GLS: variants seen among roughly 807,000 people sequenced by gnomAD.
The protein encoded by GLS is glutaminase, also known as glutaminase kidney isoform, mitochondrial.
GLS carries 36 observed loss-of-function variants against 86.7 expected under a neutral mutation model. The observed-to-expected ratio is 0.42, with a 90% confidence interval of 0.32 to 0.55. The LOEUF (loss-of-function observed/expected upper bound fraction) is 0.55, where lower values mean the gene tolerates loss of function less well. Ranked by LOEUF, GLS falls within the 20% of genes least tolerant of loss-of-function variation. The pLI is 0.17. For synonymous variants in GLS, 317 were observed against 305.9 expected (o/e 1.04, Z -0.38); for missense variants, 528 against 833.4 (o/e 0.63, Z 4.51).
chr2:190,910,036 T>C (rs952100930), intron 6 of GLS, among the ~76,000 whole-genome samples: 3 of 151,828 alleles, frequency 2.0e-5, no homozygotes, highest in African/African-American at 4.8e-5. Context: ...AAACTTTGGC[T>C]CTTAAAAAAA....
At chr2:190,958,747 C>A (rs548324133) in intron 17 of GLS, among the ~76,000 whole-genome samples, 1 of 152,216 alleles carries the variant, frequency 6.6e-6, no homozygotes, top group South Asian at 2.1e-4. Flanking sequence ...GTTTGTTAAT[C>A]CTGAGTTCTA....
chr2:190,931,970 A>G (rs534074214), intron 14 of GLS, among the ~76,000 whole-genome samples: 2 of 152,148 alleles, frequency 1.3e-5, no homozygotes, highest in East Asian at 3.9e-4. Context: ...AAAAAGAACA[A>G]AACAAAACAT....
intron 5 of GLS, 143 bp downstream of exon 5, chr2:190,902,169 TTAATG>T: frequency 1.8e-6 from 1 of 542,064 alleles, no homozygotes; most frequent in Non-Finnish European, 3.3e-6. Context: ...AATTTAAATT[TTAATG>T]TAATTTTTAA....
Position 190,913,686 on chromosome 2 carries a change from TTAGGA to T in GLS, c.1038+3371_1038+3375del. On this transcript the variant is annotated intron_variant, in intron 7 of 17. Coordinates refer to ENST00000320717, the MANE Select transcript of GLS (RefSeq NM_014905.5). This position sits in a 1 kb window ranked among gnomAD's most constrained non-coding sequence, Gnocchi z 6.1. ...TTAAGATCTGGTGATAACTTAAGGGTTAGGATAGGAAAATGAGGACAACATACTGC... is the reference window on the plus strand; with the variant it reads ...TTAAGATCTGGTGATAACTTAAGGGTTAGGAAAATGAGGACAACATACTGC... The T allele has an allele frequency of 2.1e-6, 2 of 972,542 alleles. No homozygotes were observed. The highest frequency in any genetic ancestry group is 2.4e-6 in the Non-Finnish European group (2 of 818,336). 60.2% of individuals were successfully genotyped at this position (972,542 alleles called of 1,614,324 possible).
In GLS at chr2:190,881,429, T is replaced by C; in HGVS notation, c.345T>C (p.Phe115=). 1 of 1,545,758 alleles carries C rather than the reference T, an allele frequency of 6.5e-7. No individual in the cohort carries two copies. Among genetic ancestry groups the C allele is most frequent in the Non-Finnish European group, 8.7e-7 (1 of 1,145,270 alleles). ...PKDGPGETDA[F]GNSEGKELVA... is the part of the protein sequence containing the mutation. ...ACGGCCCCGGGGAGACGGACGCGTT[T>C]GGCAACAGCGAGGGCAAAGAGCTGG... is the stretch of plus-strand genomic sequence containing the variant. The change falls in exon 1 of 18, where the codon TTT becomes TTC. Residue 115 remains phenylalanine (F), a synonymous_variant. Coordinates refer to ENST00000320717, the MANE Select transcript of GLS (RefSeq NM_014905.5).
chr2:190,885,848 GT>G (rs970021325), intron 1 of GLS, among the ~76,000 whole-genome samples: 11 of 145,956 alleles, frequency 7.5e-5, no homozygotes, highest in African/African-American at 1.5e-4. Flanking sequence ...GTGAGTTTTA[GT>G]TTTTTTTTTT....
chr2:190,895,164 G>A lies in GLS; in HGVS notation c.399G>A (p.Gln133=), dbSNP rs1456415186. 8 of 1,478,440 alleles carry A rather than the reference G, an allele frequency of 5.4e-6. No individual in the cohort carries two copies. The highest frequency in any genetic ancestry group is 1.2e-5 in the South Asian group (1 of 85,228). The allele number at this position is 1,478,440 out of a possible 1,614,324, so 91.6% of individuals were successfully genotyped here. Residue 133 remains glutamine (Q), a synonymous_variant, in exon 2 of 18, where the codon CAG becomes CAA. Coordinates refer to ENST00000320717, the MANE Select transcript of GLS (RefSeq NM_014905.5). The surrounding 1 kb of genome is among the most constrained non-coding windows in gnomAD (Gnocchi z 4.2). ...LVASGENKIK[Q]GLLPSLEDLL... is the part of the protein sequence containing the mutation. ...TCTACCTCTTTAGTAAAATAAAACA[G>A]GGTCTGTTACCTAGCTTGGAAGATT...
rs1340288034 is a variant in GLS, at chr2:190,943,270, G to GT, written c.1651-10294dup. Among the ~76,000 whole-genome samples, 1 of 152,182 alleles carries GT rather than the reference G, an allele frequency of 6.6e-6. No homozygotes were observed. The highest frequency in any genetic ancestry group is 1.9e-4 in the East Asian group (1 of 5,196). ...ATTTAGGCCTAAAACTTAGAGCAGT[G>GT]TAAGTTGGAGCTATAATTTTGTGAG... On this transcript the variant is annotated intron_variant, in intron 14 of 17. Coordinates refer to ENST00000320717, the MANE Select transcript of GLS (RefSeq NM_014905.5). The surrounding 1 kb of genome is among the most constrained non-coding windows in gnomAD (Gnocchi z 4.5).
rs915537935 is a variant in GLS, at chr2:190,897,121, C to G, written c.605+1396C>G. ...TTGGCTCACTACAACCTCTGCCTCC[C>G]GGGTTCAAGTGATTCTCCCACCTAA... is the stretch of plus-strand genomic sequence containing the variant. On this transcript the variant is annotated intron_variant, in intron 3 of 17. Coordinates refer to ENST00000320717, the MANE Select transcript of GLS (RefSeq NM_014905.5). The surrounding 1 kb of genome is among the most constrained non-coding windows in gnomAD (Gnocchi z 4.3). Among the ~76,000 whole-genome samples, 3 of 151,888 alleles carry G rather than the reference C, an allele frequency of 2.0e-5. No individual in the cohort carries two copies. The highest frequency in any genetic ancestry group is 4.4e-5 in the Non-Finnish European group (3 of 67,956).
At chr2:190,933,518 AGTT>A (rs1690175506) in intron 14 of GLS, 4 of 924,476 alleles carry the variant, frequency 4.3e-6, no homozygotes, top group Non-Finnish European at 5.2e-6. Flanking sequence ...GTTCTGTCAG[AGTT>A]GTTATATACA....
intron 1 of GLS, among the ~76,000 whole-genome samples, chr2:190,888,113 A>G (rs988531230): frequency 3.3e-5 from 5 of 152,180 alleles, no homozygotes; most frequent in Non-Finnish European, 7.4e-5. Context: ...AAAACATTCC[A>G]TAGTTTTGAA....
chr2:190,893,146 T>A (rs1282071462), intron 1 of GLS, among the ~76,000 whole-genome samples: 6 of 152,224 alleles, frequency 3.9e-5, no homozygotes, highest in Non-Finnish European at 8.8e-5. Flanking sequence ...CTGGTTCAGT[T>A]TTTTCTTTGA....
In GLS at chr2:190,897,226, C is replaced by T. The variant is rs755590702; in HGVS notation, c.605+1501C>T. 2.6e-5 allele frequency among the ~76,000 whole-genome samples: 4 copies of T among 151,934 alleles called. No homozygotes were observed. The highest frequency in any genetic ancestry group is 4.4e-5 in the Non-Finnish European group (3 of 67,976). On this transcript the variant is annotated intron_variant, in intron 3 of 17. Coordinates refer to ENST00000320717, the MANE Select transcript of GLS (RefSeq NM_014905.5). The surrounding 1 kb of genome is among the most constrained non-coding windows in gnomAD (Gnocchi z 4.3). ...TTTTTAGTGAGACGGGGTTTCACCACGTTGTCCAGGCTGGTCTCGAACTCC... is the reference window on the plus strand; with the variant it reads ...TTTTTAGTGAGACGGGGTTTCACCATGTTGTCCAGGCTGGTCTCGAACTCC...
At chr2:190,958,087 C>T (rs1244117655) in intron 17 of GLS, among the ~76,000 whole-genome samples, 1 of 152,136 alleles carries the variant, frequency 6.6e-6, no homozygotes, top group Non-Finnish European at 1.5e-5. Flanking sequence ...ATTTCAGAGG[C>T]TATTAATTAC....
At chr2:190,904,566 T>C (rs1689066309) in intron 5 of GLS, among the ~76,000 whole-genome samples, 1 of 152,070 alleles carries the variant, frequency 6.6e-6, no homozygotes, top group South Asian at 2.1e-4. Flanking sequence ...AGATCGAAAA[T>C]ATTTGAGCCA....
intron 14 of GLS, among the ~76,000 whole-genome samples, chr2:190,931,904 T>C (rs1690115615): frequency 1.3e-5 from 2 of 151,988 alleles, no homozygotes; most frequent in South Asian, 4.1e-4. Context: ...GTGTCAGGGA[T>C]TTCCCCTTCC....
In GLS at chr2:190,900,703, T is replaced by C. The variant is rs1471256429; in HGVS notation, c.735+10T>C. 6.3e-7 allele frequency: 1 copy of C among 1,596,088 alleles called. No homozygotes were observed. Among genetic ancestry groups the C allele is most frequent in the East Asian group, 2.2e-5 (1 of 44,518 alleles). Reference sequence around the variant, plus strand: ...GCAGTCTGGAGGAAAGGTAATGCTTTTGATGTACATATTTTCATAACCGAA... The same window carrying C: ...GCAGTCTGGAGGAAAGGTAATGCTTCTGATGTACATATTTTCATAACCGAA... On this transcript the variant is annotated intron_variant, in intron 4 of 17. Coordinates refer to ENST00000320717, the MANE Select transcript of GLS (RefSeq NM_014905.5).
Position 190,953,503 on chromosome 2 carries a change from C to T in GLS, c.1651-62C>T, listed in dbSNP as rs914862618. On this transcript the variant is annotated intron_variant, in intron 14 of 17. Transcript: ENST00000320717. This position sits in a 1 kb window ranked among gnomAD's most constrained non-coding sequence, Gnocchi z 4.0. ...GCACATGGAAATCACTTGCCAGTGA[C>T]AGGTGGACGTTGTATGTGTTTTCTC... 1.0e-5 allele frequency: 11 copies of T among 1,064,680 alleles called. No individual in the cohort carries two copies. The highest frequency in any genetic ancestry group is 3.4e-5 in the Admixed American group (2 of 58,666). 66.0% of individuals were successfully genotyped at this position (1,064,680 alleles called of 1,614,324 possible).
intron 7 of GLS, among the ~76,000 whole-genome samples, chr2:190,916,002 A>G (rs981323254): frequency 1.3e-5 from 2 of 152,234 alleles, no homozygotes; most frequent in Non-Finnish European, 2.9e-5. Context: ...TAACATTGCT[A>G]TAATAAAACT....
Sources: gnomAD v4.1 joint callset for allele counts (sites outside exome capture counted in the v4.1 genomes callset) on GRCh38, gnomAD v4.1.1 for gene constraint, Gnocchi (gnomAD v3.1) non-coding constraint, MANE v1.5 for transcripts, NCBI Gene and HGNC (gene_info 2026-07-23, HGNC 2026-07-21) for gene names.